Variants in PTPRM observed in about 807,000 individuals in gnomAD.
PTPRM encodes the protein receptor-type tyrosine-protein phosphatase mu.
A neutral mutation model predicts 186.7 loss-of-function variants in PTPRM; 47 were observed. The observed-to-expected ratio is 0.25, with a 90% CI of 0.20 to 0.32. The LOEUF is 0.32. PTPRM is among the 10% of genes least tolerant of loss of function. PTPRM has a pLI of 1.00. For missense variants in PTPRM, 1,494 were observed against 1,865.0 expected (o/e 0.80, Z 3.66); for synonymous variants, 668 against 674.9 (o/e 0.99, Z 0.16).
At chr18:8,339,923 A>G (rs1044876457) in intron 22 of PTPRM, among the ~76,000 whole-genome samples, 4 of 152,188 alleles carry the variant, frequency 2.6e-5, no homozygotes, top group Non-Finnish European at 5.9e-5. Context: ...AAGAAAAAAC[A>G]GGATTGATAC....
chr18:8,176,834 A>C (rs2093490392), intron 14 of PTPRM, among the ~76,000 whole-genome samples: 1 of 152,246 alleles, frequency 6.6e-6, no homozygotes, highest in African/African-American at 2.4e-5. Flanking sequence ...CCACTCTGTC[A>C]GGACTCCAGT....
chr18:8,311,407 G>T (rs1192515133), intron 20 of PTPRM, among the ~76,000 whole-genome samples: 1 of 152,132 alleles, frequency 6.6e-6, no homozygotes, highest in Non-Finnish European at 1.5e-5. Flanking sequence ...GCATGGGGAA[G>T]AGTTCAATCC....
At chr18:7,979,456 G>A (rs2082428178) in intron 7 of PTPRM, among the ~76,000 whole-genome samples, 1 of 152,110 alleles carries the variant, frequency 6.6e-6, no homozygotes, top group Non-Finnish European at 1.5e-5. Context: ...TCTCTTTTGG[G>A]CAGATTATGA....
intron 2 of PTPRM, among the ~76,000 whole-genome samples, chr18:7,862,719 C>T (rs1331282761): frequency 6.6e-6 from 1 of 152,206 alleles, no homozygotes; most frequent in Non-Finnish European, 1.5e-5. Context: ...AGGCTAAATG[C>T]AGTTGCTCAA....
At chr18:7,670,241 T>G (rs2039189867) in intron 1 of PTPRM, among the ~76,000 whole-genome samples, 1 of 152,212 alleles carries the variant, frequency 6.6e-6, no homozygotes, top group Admixed American at 6.5e-5. Context: ...CAATTTGGAC[T>G]AGCCACGTTT....
intron 24 of PTPRM, among the ~76,000 whole-genome samples, chr18:8,374,608 A>G (rs2095684175): frequency 1.3e-5 from 2 of 152,156 alleles, no homozygotes; most frequent in African/African-American, 4.8e-5. Context: ...TAACCACCTA[A>G]TCATACTACT....
intron 7 of PTPRM, among the ~76,000 whole-genome samples, chr18:7,992,263 A>G (rs776351522): frequency 6.6e-6 from 1 of 152,052 alleles, no homozygotes. Flanking sequence ...TTTTTGAACT[A>G]TCTGCCTATA....
At chr18:7,910,508 T>G (rs2050205243) in intron 4 of PTPRM, among the ~76,000 whole-genome samples, 1 of 152,212 alleles carries the variant, frequency 6.6e-6, no homozygotes. Flanking sequence ...GGTTTCCCAT[T>G]GGTTACTTGG....
At chr18:8,192,069 T>C (rs2093717701) in intron 14 of PTPRM, among the ~76,000 whole-genome samples, 1 of 151,836 alleles carries the variant, frequency 6.6e-6, no homozygotes, top group Non-Finnish European at 1.5e-5. Context: ...AAACTTATTT[T>C]ACATATAGTA....
chr18:7,933,174 C>T (rs73379997), intron 5 of PTPRM, among the ~76,000 whole-genome samples: 211 of 152,268 alleles, frequency 1.4e-3, no homozygotes, highest in African/African-American at 4.9e-3. Context: ...TTTACTTAAC[C>T]ATTGCCCCAA....
At chr18:8,361,995 G>T (rs2095599766) in intron 23 of PTPRM, among the ~76,000 whole-genome samples, 1 of 152,116 alleles carries the variant, frequency 6.6e-6, no homozygotes, top group Non-Finnish European at 1.5e-5. Context: ...TCACATCTTG[G>T]CAACTTGGGA....
intron 11 of PTPRM, among the ~76,000 whole-genome samples, chr18:8,107,554 A>G (rs1323813383): frequency 6.6e-6 from 1 of 152,230 alleles, no homozygotes; most frequent in African/African-American, 2.4e-5. Context: ...ATGTGCACAG[A>G]CACACACCCA....
At chr18:8,104,591 G>A (rs1190756743) in intron 11 of PTPRM, among the ~76,000 whole-genome samples, 2 of 151,960 alleles carry the variant, frequency 1.3e-5, no homozygotes, top group Non-Finnish European at 2.9e-5. Context: ...ACTTAGAGGT[G>A]GTGTGCCACC....
At chr18:7,788,966 T>G (rs1410951269) in intron 2 of PTPRM, among the ~76,000 whole-genome samples, 1 of 152,156 alleles carries the variant, frequency 6.6e-6, no homozygotes, top group East Asian at 1.9e-4. Context: ...TTCTCCTTTT[T>G]TTTCAGTAAA....
intron 17 of PTPRM, chr18:8,251,889 T>C (rs2094531406): frequency 6.6e-6 from 1 of 152,348 alleles, no homozygotes; most frequent in Admixed American, 6.5e-5. Flanking sequence ...TTATATGTTT[T>C]ATATAACATT....
At chr18:7,729,561 A>G (rs1474478114) in intron 1 of PTPRM, among the ~76,000 whole-genome samples, 1 of 152,210 alleles carries the variant, frequency 6.6e-6, no homozygotes, top group Non-Finnish European at 1.5e-5. Flanking sequence ...TTAGAAGAAT[A>G]TAGTCAAGGT....
intron 1 of PTPRM, among the ~76,000 whole-genome samples, chr18:7,628,193 A>T (rs939149871): frequency 1.3e-5 from 2 of 152,130 alleles, no homozygotes; most frequent in Non-Finnish European, 2.9e-5. Context: ...CACACACAGG[A>T]TATGTATTCT....
chr18:7,959,858 T>C (rs2053551661), intron 7 of PTPRM, among the ~76,000 whole-genome samples: 1 of 152,264 alleles, frequency 6.6e-6, no homozygotes, highest in Admixed American at 6.5e-5. Flanking sequence ...AAGCTTTATA[T>C]ACATATCCAG....
chr18:7,695,439 G>A (rs555568832), intron 1 of PTPRM, among the ~76,000 whole-genome samples: 5 of 152,244 alleles, frequency 3.3e-5, no homozygotes, highest in Non-Finnish European at 7.4e-5. Context: ...TTGCTTACAT[G>A]GGTTTGCTGG....
Sources: gnomAD v4.1 joint callset for allele counts (sites outside exome capture counted in the v4.1 genomes callset) on GRCh38, gnomAD v4.1.1 for gene constraint, MANE v1.5 for transcripts, NCBI Gene and HGNC (gene_info 2026-07-23, HGNC 2026-07-21) for gene names.